The following FAM227B variants were observed in gnomAD, a reference collection of about 807,000 sequenced individuals.
The protein encoded by FAM227B is protein FAM227B.
A neutral mutation model predicts 73.8 loss-of-function variants in FAM227B; 88 were observed. The observed-to-expected ratio is 1.19, with a 90% CI of 1.00 to 1.42. The LOEUF (loss-of-function observed/expected upper bound fraction) is 1.42, where lower values mean the gene tolerates loss of function less well. Among genes scored for constraint, FAM227B ranks in the 40% most tolerant of loss-of-function variants. The probability of loss-of-function intolerance (pLI) is 0.00; values close to 1 mark genes in which losing one functional copy is unlikely to be tolerated. For synonymous variants in FAM227B, 210 were observed against 190.5 expected, an observed-to-expected ratio of 1.10 and a Z score of -0.84; for missense variants, 632 against 590.9, an observed-to-expected ratio of 1.07 and a Z score of -0.72.
intron 9 of FAM227B, among the ~76,000 whole-genome samples, chr15:49,543,846 C>A (rs925534369): frequency 6.6e-6 from 1 of 152,086 alleles, no homozygotes; most frequent in Non-Finnish European, 1.5e-5. Context: ...CTATGCTCTT[C>A]GATTTGTCTA....
chr15:49,594,286 T>C (rs1459266695), intron 3 of FAM227B, among the ~76,000 whole-genome samples: 2 of 152,130 alleles, frequency 1.3e-5, no homozygotes, highest in Non-Finnish European at 2.9e-5. Context: ...TTCTTTTTTT[T>C]CTTGCTGATT....
chr15:49,333,508 C>G (rs924782031), intron 14 of FAM227B, among the ~76,000 whole-genome samples: 2 of 152,116 alleles, frequency 1.3e-5, no homozygotes, highest in African/African-American at 4.8e-5. Flanking sequence ...TTTTTGGAAA[C>G]TTGTAAGAGT....
chr15:49,516,145 T>A (rs952589731), intron 10 of FAM227B, among the ~76,000 whole-genome samples: 5 of 152,072 alleles, frequency 3.3e-5, no homozygotes, highest in African/African-American at 4.8e-5. Flanking sequence ...TTAAAAAAAT[T>A]TTTTTATTGT....
At chr15:49,344,695 A>G (rs536548032) in intron 13 of FAM227B, among the ~76,000 whole-genome samples, 6 of 152,326 alleles carry the variant, frequency 3.9e-5, no homozygotes, top group Non-Finnish European at 8.8e-5. Flanking sequence ...GAAGTCTGCA[A>G]TCTCAGTTAT....
At chr15:49,545,807 T>C (rs1327663759) in intron 9 of FAM227B, among the ~76,000 whole-genome samples, 1 of 152,144 alleles carries the variant, frequency 6.6e-6, no homozygotes, top group Non-Finnish European at 1.5e-5. Flanking sequence ...ATTTTGAGGG[T>C]TCCTTTTGGA....
At chr15:49,433,188 C>A (rs568643644) in intron 11 of FAM227B, among the ~76,000 whole-genome samples, 2 of 151,472 alleles carry the variant, frequency 1.3e-5, no homozygotes, top group East Asian at 3.9e-4. Context: ...AATACAGAGC[C>A]AGTAATGGTC....
intron 3 of FAM227B, among the ~76,000 whole-genome samples, chr15:49,595,810 G>A (rs1349510775): frequency 2.6e-5 from 4 of 151,690 alleles, no homozygotes; most frequent in South Asian, 2.1e-4. Flanking sequence ...TTAGAAAAAC[G>A]CAAAAGACAT....
chr15:49,445,499 A>G (rs8031680), intron 11 of FAM227B, among the ~76,000 whole-genome samples: 134,590 of 151,436 alleles, frequency 0.89, 61,678 homozygotes, highest in Non-Finnish European at 0.99. Flanking sequence ...TAAAACAAAC[A>G]GACCTTTTGC....
chr15:49,591,045 A>ATTTTTTTTTTTTTTTTT (rs748799826), intron 3 of FAM227B, among the ~76,000 whole-genome samples: 2 of 72,564 alleles, frequency 2.8e-5, no homozygotes, highest in Non-Finnish European at 2.5e-5. Flanking sequence ...TTTTTTTTTG[A>ATTTTTTTTTTTTTTTTT]TTTTTTTTTT....
intron 11 of FAM227B, among the ~76,000 whole-genome samples, chr15:49,489,859 TTTATATA>T (rs2056863775): frequency 1.9e-4 from 1 of 5,138 alleles, no homozygotes; most frequent in African/African-American, 3.1e-4. Flanking sequence ...ATATATATAT[TTTATATA>T]TATATATATA....
chr15:49,510,503 C>T (rs189141523), intron 10 of FAM227B, among the ~76,000 whole-genome samples: 59 of 152,232 alleles, frequency 3.9e-4, no homozygotes, highest in African/African-American at 1.4e-3. Context: ...CCTTTGAATA[C>T]ATTCAGATGC....
intron 11 of FAM227B, among the ~76,000 whole-genome samples, chr15:49,477,280 G>A (rs2055430645): frequency 6.6e-6 from 1 of 152,152 alleles, no homozygotes; most frequent in Non-Finnish European, 1.5e-5. Context: ...CACTATTACA[G>A]TATTACGCAG....
intron 13 of FAM227B, among the ~76,000 whole-genome samples, chr15:49,341,984 AGAT>A (rs1468834643): frequency 6.6e-6 from 1 of 152,188 alleles, no homozygotes; most frequent in African/African-American, 2.4e-5. Flanking sequence ...TTCTGTGTGC[AGAT>A]GATAGCAATG....
intron 11 of FAM227B, among the ~76,000 whole-genome samples, chr15:49,407,056 G>T (rs1307556045): frequency 6.6e-6 from 1 of 152,172 alleles, no homozygotes; most frequent in African/African-American, 2.4e-5. Context: ...GCAGAGTTCA[G>T]GTCCGACAGT....
Position 49,475,588 on chromosome 15 carries a change from A to C in FAM227B, c.1012+32623T>G, listed in dbSNP as rs1485337298. 4.0e-5 allele frequency among the ~76,000 whole-genome samples: 6 copies of C among 149,592 alleles called. No individual in the cohort carries two copies. In the Admixed American group the frequency reaches 4.1e-4, roughly 10 times the overall value. ...TATTTAACAAATAAAATATTATGCT[A>C]ACTTTATTATTTATTAAATTTATTA... is the stretch of plus-strand genomic sequence containing the variant. On this transcript the variant is annotated intron_variant, in intron 11 of 15. Coordinates refer to ENST00000299338, the MANE Select transcript of FAM227B (RefSeq NM_152647.3).
At chr15:49,619,522 T>A (rs1432587115) in intron 1 of FAM227B, among the ~76,000 whole-genome samples, 1 of 152,216 alleles carries the variant, frequency 6.6e-6, no homozygotes, top group Non-Finnish European at 1.5e-5. Flanking sequence ...TCTGCTAGCA[T>A]GCCCACTCTA....
chr15:49,503,005 C>G (rs558784145), intron 11 of FAM227B, among the ~76,000 whole-genome samples: 3 of 152,162 alleles, frequency 2.0e-5, no homozygotes, highest in African/African-American at 7.2e-5. Flanking sequence ...GGAGGCATCA[C>G]GTTACCTGAC....
intron 11 of FAM227B, chr15:49,486,807 A>G (rs949094383): frequency 4.0e-5 from 6 of 151,826 alleles, no homozygotes; most frequent in African/African-American, 7.2e-5. Context: ...CCTATTTTTA[A>G]ATTTATTATG....
chr15:49,494,256 A>ACAC (rs1467706350), intron 11 of FAM227B, among the ~76,000 whole-genome samples: 1 of 140,606 alleles, frequency 7.1e-6, no homozygotes, highest in Non-Finnish European at 1.6e-5. Flanking sequence ...GAGACACACA[A>ACAC]ACACACACAC....
Sources: allele counts gnomAD v4.1 joint callset (sites outside exome capture counted in the v4.1 genomes callset), GRCh38; gene constraint gnomAD v4.1.1; transcripts MANE v1.5; gene names NCBI Gene and HGNC (gene_info 2026-07-23, HGNC 2026-07-21).